The following PPARGC1B variants were observed in gnomAD, a reference collection of about 807,000 sequenced individuals.
PPARGC1B encodes peroxisome proliferator-activated receptor gamma coactivator 1-beta.
PPARGC1B carries 34 observed loss-of-function variants against 101.6 expected under a neutral mutation model. That is an observed-to-expected ratio of 0.33 (90% CI 0.25 to 0.45). The LOEUF is 0.45. Among genes scored for constraint, PPARGC1B ranks in the 20% least tolerant of loss-of-function variants. The pLI, the probability that PPARGC1B is intolerant of heterozygous loss-of-function variation, is 1.00. For synonymous variants in PPARGC1B, 548 were observed against 539.3 expected (o/e 1.02, Z -0.22); for missense variants, 1,234 against 1,317.6 (o/e 0.94, Z 0.98).
At chr5:149,779,663 C>T (rs1391326734) in intron 1 of PPARGC1B, among the ~76,000 whole-genome samples, 1 of 152,118 alleles carries the variant, frequency 6.6e-6, no homozygotes, top group Non-Finnish European at 1.5e-5. Flanking sequence ...GAAGCCTGTT[C>T]CAGGAGTGAC....
chr5:149,803,898 G>C (rs886546078), intron 1 of PPARGC1B, among the ~76,000 whole-genome samples: 1 of 152,270 alleles, frequency 6.6e-6, no homozygotes, highest in African/African-American at 2.4e-5. Context: ...ACCTGAGCGA[G>C]TGGTGGTCTG....
Position 149,832,765 on chromosome 5 carries a change from G to T in PPARGC1B, c.692G>T (p.Gly231Val), listed in dbSNP as rs1007123612. The T allele has an allele frequency of 6.2e-6, 10 of 1,613,078 alleles. No homozygotes were observed. Among genetic ancestry groups the T allele is most frequent in the East Asian group, 2.2e-5 (1 of 44,846 alleles). ...TSAQCCLQDR[G>V]LQPPCLQSPR... ...GCACAGTGCTGCCTGCAGGATCGGGGTCTGCAGCCACCATGCCTCCAGAGT... is the reference window on the plus strand; with the variant it reads ...GCACAGTGCTGCCTGCAGGATCGGGTTCTGCAGCCACCATGCCTCCAGAGT... Residue 231 changes from glycine to valine, a missense_variant, in exon 5 of 12, where the codon GGT becomes GTT. This residue lies in a region of PPARGC1B where 734 missense variants were observed against 768.4 expected (regional missense o/e 0.96). Coordinates refer to ENST00000309241, the MANE Select transcript of PPARGC1B (RefSeq NM_133263.4). This position sits in a 1 kb window ranked among gnomAD's most constrained non-coding sequence, Gnocchi z 4.9.
chr5:149,786,245 A>G (rs1239507872), intron 1 of PPARGC1B, among the ~76,000 whole-genome samples: 1 of 152,114 alleles, frequency 6.6e-6, no homozygotes, highest in African/African-American at 2.4e-5. Context: ...GGTGTGCATC[A>G]TCACCCCCAG....
intron 1 of PPARGC1B, among the ~76,000 whole-genome samples, chr5:149,797,790 G>A (rs181636887): frequency 1.2e-3 from 184 of 152,150 alleles, no homozygotes; most frequent in Middle Eastern, 6.8e-3. Context: ...GTGTGGTGGC[G>A]TGTGCCTGTA....
intron 1 of PPARGC1B, chr5:149,817,683 GC>G: frequency 2.2e-6 from 1 of 455,440 alleles, no homozygotes; most frequent in Non-Finnish European, 4.4e-6. Flanking sequence ...CATTGAACAT[GC>G]CCACTAGAAT....
chr5:149,815,538 A>G (rs1259697973), intron 1 of PPARGC1B, among the ~76,000 whole-genome samples: 1 of 151,936 alleles, frequency 6.6e-6, no homozygotes, highest in Non-Finnish European at 1.5e-5. Flanking sequence ...CTAGCAACCT[A>G]ATTTATTTAT....
Position 149,840,073 on chromosome 5 carries a change from C to T in PPARGC1B, c.2651C>T (p.Thr884Met), listed in dbSNP as rs759740325. The T allele has an allele frequency of 2.7e-5, 43 of 1,614,026 alleles. No individual in the cohort carries two copies. Among genetic ancestry groups the T allele is most frequent in the Middle Eastern group, 1.7e-4 (1 of 6,060 alleles). The change falls in exon 9 of 12, where the codon ACG (threonine) becomes ATG (methionine). Residue 884 changes from threonine (T) to methionine (M), a missense_variant. Thr to Met is a moderately conservative substitution (Grantham distance 81). Transcript: ENST00000309241. ...CESRGPCSDR[T>M]PSIRHARKRR... ...AGCAGAGGGCCGTGTTCAGACAGAA[C>T]GCCAAGCATCCGGCACGCCAGGAAG...
At chr5:149,732,478 C>T (rs545066073) in intron 1 of PPARGC1B, among the ~76,000 whole-genome samples, 1 of 152,212 alleles carries the variant, frequency 6.6e-6, no homozygotes, top group African/African-American at 2.4e-5. Flanking sequence ...GCCCTTTAGC[C>T]GCCCAGCGAG....
chr5:149,754,730 G>A (rs1395879358), intron 1 of PPARGC1B, among the ~76,000 whole-genome samples: 1 of 148,816 alleles, frequency 6.7e-6, no homozygotes, highest in Non-Finnish European at 1.5e-5. Context: ...GCTATATATA[G>A]TAGGAGCCAT....
In PPARGC1B at chr5:149,757,988, G is replaced by C. The variant is rs536620133; in HGVS notation, c.78+27568G>C. The stretch of plus-strand genomic sequence containing the variant: ...GCAGCTTGGGGCATTCTTTGGCTTG[G>C]ATTAATCTCTCCTAGTAACAGCGTG... On this transcript the variant is annotated intron_variant, in intron 1 of 11. Coordinates refer to ENST00000309241, the MANE Select transcript of PPARGC1B (RefSeq NM_133263.4). 3.3e-5 allele frequency among the ~76,000 whole-genome samples: 5 copies of C among 152,326 alleles called. No homozygotes were observed. The South Asian group carries it at 8.3e-4, about 25-fold the overall frequency.
At chr5:149,731,861 G>T (rs921027121) in intron 1 of PPARGC1B, among the ~76,000 whole-genome samples, 15 of 152,090 alleles carry the variant, frequency 9.9e-5, no homozygotes, top group African/African-American at 3.6e-4. Flanking sequence ...GAGGAAGCCC[G>T]CCACGCGGGA....
At chr5:149,786,489 G>T (rs10875549) in intron 1 of PPARGC1B, among the ~76,000 whole-genome samples, 1 of 152,036 alleles carries the variant, frequency 6.6e-6, no homozygotes, top group African/African-American at 2.4e-5. Context: ...CTCCTGTCTC[G>T]GCCTCCCGAA....
rs529464170 is a variant in PPARGC1B, at chr5:149,750,711, A to G, written c.78+20291A>G. Reference sequence around the variant, plus strand: ...GTGGAAAAAGAGTGAACCACATTTAACGTACCATGTGGCCAATGGGCAATT... The same window carrying G: ...GTGGAAAAAGAGTGAACCACATTTAGCGTACCATGTGGCCAATGGGCAATT... On this transcript the variant is annotated intron_variant, in intron 1 of 11. Transcript: ENST00000309241. Among the ~76,000 whole-genome samples, 3 of 152,252 alleles carry G rather than the reference A, an allele frequency of 2.0e-5. No homozygotes were observed. In the South Asian group the frequency reaches 6.2e-4, roughly 32 times the overall value.
At chr5:149,754,377 C>T (rs1755429813) in intron 1 of PPARGC1B, among the ~76,000 whole-genome samples, 1 of 152,170 alleles carries the variant, frequency 6.6e-6, no homozygotes, top group Non-Finnish European at 1.5e-5. Flanking sequence ...AGGGTCCAGA[C>T]CTGACTGCCT....
chr5:149,810,853 T>A (rs1757826838), intron 1 of PPARGC1B, among the ~76,000 whole-genome samples: 1 of 152,088 alleles, frequency 6.6e-6, no homozygotes, highest in Non-Finnish European at 1.5e-5. Flanking sequence ...GAGAGATTCA[T>A]TCACAAAAAG....
At chr5:149,838,524 C>G (rs998700433) in intron 8 of PPARGC1B, among the ~76,000 whole-genome samples, 1 of 152,218 alleles carries the variant, frequency 6.6e-6, no homozygotes, top group African/African-American at 2.4e-5. Context: ...CTAAAGCACT[C>G]CATCTCCACA....
chr5:149,764,516 A>G (rs2113164140), intron 1 of PPARGC1B, among the ~76,000 whole-genome samples: 1 of 152,336 alleles, frequency 6.6e-6, no homozygotes, highest in East Asian at 1.9e-4. Context: ...CAGGTGTTGG[A>G]TTGGAAAGAC....
chr5:149,838,223 C>T (rs1213355826), intron 8 of PPARGC1B, among the ~76,000 whole-genome samples: 1 of 152,128 alleles, frequency 6.6e-6, no homozygotes, highest in Non-Finnish European at 1.5e-5. Flanking sequence ...AGCAAAGGCC[C>T]ATCTCCATAT....
Position 149,785,620 on chromosome 5 carries a change from C to T in PPARGC1B, c.79-34813C>T, listed in dbSNP as rs544457261. ...TGTGCGCTTGGCCTTGGCCTCTACT[C>T]TGCCTCTCCTGAGAGCCCAGTCCCC... On this transcript the variant is annotated intron_variant, in intron 1 of 11. Coordinates refer to ENST00000309241, the MANE Select transcript of PPARGC1B (RefSeq NM_133263.4). Among the ~76,000 whole-genome samples, 7 of 152,372 alleles carry T rather than the reference C, an allele frequency of 4.6e-5. No homozygotes were observed. In the South Asian group the frequency reaches 8.3e-4, roughly 18 times the overall value.
Sources: gnomAD v4.1 joint callset for allele counts (sites outside exome capture counted in the v4.1 genomes callset) on GRCh38, gnomAD v4.1.1 for gene constraint, gnomAD v4.1.1 regional missense constraint, Gnocchi (gnomAD v3.1) non-coding constraint, MANE v1.5 for transcripts, NCBI Gene and HGNC (gene_info 2026-07-23, HGNC 2026-07-21) for gene names.